KRT82: variants seen among roughly 807,000 people sequenced by gnomAD.
The protein encoded by KRT82 is keratin 82.
A neutral mutation model predicts 48.0 loss-of-function variants in KRT82; 44 were observed. The ratio of observed to expected loss-of-function variants is 0.92; its 90% CI spans 0.72 to 1.18. KRT82 has a LOEUF of 1.18. Among genes scored for constraint, KRT82 ranks in the 50% most tolerant of loss-of-function variants. The pLI is 0.00. For missense variants in KRT82, 701 were observed against 671.4 expected, an observed-to-expected ratio of 1.04 and a Z score of -0.49; for synonymous variants, 297 against 278.3, an observed-to-expected ratio of 1.07 and a Z score of -0.67.
intron 5 of KRT82, among the ~76,000 whole-genome samples, chr12:52,399,036 G>T (rs1939751931): frequency 6.6e-6 from 1 of 152,082 alleles, no homozygotes; most frequent in South Asian, 2.1e-4. Flanking sequence ...GACACAATTT[G>T]TTCCCTCTGT....
At chr12:52,405,341 G>T (rs577845822) in intron 1 of KRT82, among the ~76,000 whole-genome samples, 5 of 152,344 alleles carry the variant, frequency 3.3e-5, no homozygotes, top group African/African-American at 9.6e-5. Flanking sequence ...CTCTGGAGAT[G>T]ACAGATGTAA....
rs770726481 is a variant in KRT82, at chr12:52,400,104, C to T, written c.823G>A (p.Val275Met). Residue 275 changes from valine (V) to methionine (M), a missense_variant, in exon 5 of 9, where the codon GTG becomes ATG. Physicochemically the swap from Val to Met is conservative, Grantham distance 21. Coordinates refer to ENST00000257974, the MANE Select transcript of KRT82 (RefSeq NM_033033.4). ...QSQISETSVI[V>M]KMDNSRELDV... ...AGCTCCCGGCTGTTGTCCATCTTCACAATGACCGAGGTCTCAGAGATCTGA... is the reference window on the plus strand; with the variant it reads ...AGCTCCCGGCTGTTGTCCATCTTCATAATGACCGAGGTCTCAGAGATCTGA... The T allele has an allele frequency of 1.9e-6, 3 of 1,614,024 alleles. No homozygotes were observed. Among genetic ancestry groups the T allele is most frequent in the South Asian group, 2.2e-5 (2 of 91,080 alleles).
In KRT82 at chr12:52,394,029, C is replaced by T. The variant is rs1592151594; in HGVS notation, c.*946G>A. On this transcript the variant is annotated 3_prime_UTR_variant, in exon 9 of 9. Transcript: ENST00000257974. ...TGGAGCCCCAGTGGGACAGGCTTGGCATGAGGGGCTTCTGGGAGGTAGTCA... is the reference window on the plus strand; with the variant it reads ...TGGAGCCCCAGTGGGACAGGCTTGGTATGAGGGGCTTCTGGGAGGTAGTCA... 1 of 152,212 alleles carries T rather than the reference C, an allele frequency of 6.6e-6. No homozygotes were observed. Among genetic ancestry groups the T allele is most frequent in the Non-Finnish European group, 1.5e-5 (1 of 68,058 alleles). 9.4% of individuals were successfully genotyped at this position (152,212 alleles called of 1,614,324 possible). A position where few individuals can be genotyped will look rare whatever the true frequency, so the allele number is the denominator to read the frequency against.
intron 8 of KRT82, among the ~76,000 whole-genome samples, chr12:52,395,481 C>T (rs1939700548): frequency 6.6e-6 from 1 of 152,192 alleles, no homozygotes; most frequent in Non-Finnish European, 1.5e-5. Context: ...TGCTTCAAAT[C>T]CTCTTCCTCT....
intron 4 of KRT82, 81 bp from the exon 5 acceptor site, chr12:52,400,230 TC>T: frequency 1.4e-6 from 2 of 1,410,420 alleles, no homozygotes; most frequent in Non-Finnish European, 9.8e-7. Context: ...GTTCTGACCT[TC>T]CCAGAGCAGA....
At chr12:52,397,857 G>A (rs1455464242) in intron 5 of KRT82, among the ~76,000 whole-genome samples, 1 of 152,158 alleles carries the variant, frequency 6.6e-6, no homozygotes, top group African/African-American at 2.4e-5. Context: ...GACCAGCCTG[G>A]CCAACATGGT....
rs1044541280 is a variant in KRT82, at chr12:52,394,904, C to G, written c.*71G>C. The stretch of plus-strand genomic sequence containing the variant: ...TGGGGTTTTGGAACATCCTTGTCTT[C>G]AGCCCTGGTGGGAGTGTGACATCCA... On this transcript the variant is annotated 3_prime_UTR_variant, in exon 9 of 9. Coordinates refer to ENST00000257974, the MANE Select transcript of KRT82 (RefSeq NM_033033.4). The G allele has an allele frequency of 6.8e-6, 9 of 1,315,762 alleles. No individual in the cohort carries two copies. Among genetic ancestry groups the G allele is most frequent in the Non-Finnish European group, 5.5e-6 (5 of 914,770 alleles). 81.5% of individuals were successfully genotyped at this position (1,315,762 alleles called of 1,614,324 possible). A position where few individuals can be genotyped will look rare whatever the true frequency, so the allele number is the denominator to read the frequency against.
At chr12:52,398,950 C>T (rs1939750841) in intron 5 of KRT82, among the ~76,000 whole-genome samples, 1 of 152,202 alleles carries the variant, frequency 6.6e-6, no homozygotes, top group Non-Finnish European at 1.5e-5. Context: ...CAGCCTGGCA[C>T]ACCCTCCCCC....
chr12:52,398,334 A>C (rs1306188124), intron 5 of KRT82, among the ~76,000 whole-genome samples: 1 of 152,202 alleles, frequency 6.6e-6, no homozygotes, highest in Non-Finnish European at 1.5e-5. Flanking sequence ...GAGGCAACCA[A>C]GAGGATGGAG....
At chr12:52,402,459 T>G (rs539414037) in intron 2 of KRT82, 1 of 152,354 alleles carries the variant, frequency 6.6e-6, no homozygotes, top group African/African-American at 2.4e-5. Flanking sequence ...CTGCTAGAGT[T>G]GTCCCCTTCA....
intron 5 of KRT82, among the ~76,000 whole-genome samples, chr12:52,399,036 G>A (rs1939751931): frequency 6.6e-6 from 1 of 152,082 alleles, no homozygotes; most frequent in South Asian, 2.1e-4. Context: ...GACACAATTT[G>A]TTCCCTCTGT....
intron 4 of KRT82, 21 bp from the exon 5 acceptor site, chr12:52,400,170 A>G (rs1420053167): frequency 1.2e-6 from 2 of 1,604,878 alleles, no homozygotes; most frequent in Admixed American, 3.3e-5. Flanking sequence ...GGCCCATGTG[A>G]GAAGGAGTGA....
intron 4 of KRT82, 44 bp downstream of exon 4, chr12:52,400,483 G>C: frequency 6.8e-7 from 1 of 1,466,126 alleles, no homozygotes; most frequent in Non-Finnish European, 9.6e-7. Context: ...TCGATCCCTT[G>C]GCTCCAGCCC....
At chr12:52,396,681 CCTGA>C (rs1440778290) in intron 6 of KRT82, among the ~76,000 whole-genome samples, 198 bp downstream of exon 6, 3 of 152,184 alleles carry the variant, frequency 2.0e-5, no homozygotes, top group Non-Finnish European at 4.4e-5. Flanking sequence ...CTGTTGGGGA[CCTGA>C]CTATTTCCTG....
At position 52,396,234 on chromosome 12, in the gene KRT82, T is replaced by C; in HGVS notation, c.1069-2A>G. On this transcript the variant is annotated splice_acceptor_variant, in intron 6 of 8. Transcript: ENST00000257974. LOFTEE classifies it high-confidence loss of function. ...TATGGCACCCTCAAGTTTGCAGCGC[T>C]GTGGGAGGGGCGCAGAAAAGCATCA... 6.2e-7 allele frequency: 1 copy of C among 1,610,700 alleles called. No homozygotes were observed. The highest frequency in any genetic ancestry group is 8.5e-7 in the Non-Finnish European group (1 of 1,179,422).
intron 1 of KRT82, among the ~76,000 whole-genome samples, chr12:52,404,801 C>A (rs1376475351): frequency 3.3e-5 from 5 of 152,228 alleles, no homozygotes; most frequent in Non-Finnish European, 7.3e-5. Context: ...GTAAGTTTGA[C>A]TAAACAAGTT....
Position 52,396,261 on chromosome 12 carries a change from T to C in KRT82, c.1069-29A>G, listed in dbSNP as rs746045456. ...TGGGAGGGGCGCAGAAAAGCATCAC[T>C]GGGGGCCCTGGAGCCCCAAGCCAGA... On this transcript the variant is annotated intron_variant, in intron 6 of 8. Coordinates refer to ENST00000257974, the MANE Select transcript of KRT82 (RefSeq NM_033033.4). 1.8e-5 allele frequency: 29 copies of C among 1,584,442 alleles called. No individual in the cohort carries two copies. The Admixed American group carries it at 4.9e-4, about 27-fold the overall frequency.
rs201633900 is a variant in KRT82, at chr12:52,397,469, TA to T, written c.943-462del. Reference sequence around the variant, plus strand: ...ATTTGTATGTTTTCCACAAAAACAATAAAAAAAACAAAATGCAATTTATGTC... The same window carrying T: ...ATTTGTATGTTTTCCACAAAAACAATAAAAAAACAAAATGCAATTTATGTC... On this transcript the variant is annotated intron_variant, in intron 5 of 8. Transcript: ENST00000257974. Among the ~76,000 whole-genome samples the T allele has an allele frequency of 6.9e-3, 1,052 of 152,120 alleles. 3 individuals are homozygous for T. Among genetic ancestry groups the T allele is most frequent in the Middle Eastern group, 0.017 (5 of 294 alleles).
intron 1 of KRT82, among the ~76,000 whole-genome samples, 153 bp from the exon 2 acceptor site, chr12:52,404,062 T>A (rs1201828905): frequency 6.6e-6 from 1 of 152,206 alleles, no homozygotes; most frequent in Admixed American, 6.5e-5. Flanking sequence ...TAGACTGGCA[T>A]CTGAGGGCAT....
Sources: allele counts gnomAD v4.1 joint callset (sites outside exome capture counted in the v4.1 genomes callset), GRCh38; gene constraint gnomAD v4.1.1; transcripts MANE v1.5; gene names NCBI Gene and HGNC (gene_info 2026-07-23, HGNC 2026-07-21).